The following GABRR2 variants were observed in gnomAD, a reference collection of about 807,000 sequenced individuals.
GABRR2 encodes the protein gamma-aminobutyric acid receptor subunit rho-2.
A neutral mutation model predicts 47.0 loss-of-function variants in GABRR2; 36 were observed. The observed-to-expected ratio is 0.77, with a 90% CI of 0.59 to 1.01. The LOEUF (loss-of-function observed/expected upper bound fraction) is 1.01. GABRR2 is among the 50% of genes least tolerant of loss of function. GABRR2 has a pLI of 0.00. For missense variants in GABRR2, 587 were observed against 594.6 expected (o/e 0.99, Z 0.13); for synonymous variants, 204 against 227.5 (o/e 0.90, Z 0.93).
At chr6:89,258,497 G>A (rs1582428735) in intron 8 of GABRR2, among the ~76,000 whole-genome samples, 1 of 147,130 alleles carries the variant, frequency 6.8e-6, no homozygotes, top group African/African-American at 2.5e-5. Context: ...CTTGAGGCCA[G>A]TATTTCAAGA....
chr6:89,303,290 A>G (rs1410971636), intron 1 of GABRR2, among the ~76,000 whole-genome samples: 1 of 152,170 alleles, frequency 6.6e-6, no homozygotes, highest in Admixed American at 6.5e-5. Flanking sequence ...CTCCCCACCT[A>G]GGCCACGTGT....
At chr6:89,303,650 A>G (rs1423722629) in intron 1 of GABRR2, among the ~76,000 whole-genome samples, 2 of 65,452 alleles carry the variant, frequency 3.1e-5, no homozygotes, top group African/African-American at 8.3e-5. Context: ...TAAGGAGGAA[A>G]AAAAAAAAAA....
chr6:89,283,882 G>C (rs114088424), intron 2 of GABRR2, among the ~76,000 whole-genome samples: 1 of 152,052 alleles, frequency 6.6e-6, no homozygotes, highest in Admixed American at 6.6e-5. Flanking sequence ...AAAAACTTTC[G>C]GAAAACAGTC....
At chr6:89,312,290 C>G (rs1767694102) in intron 1 of GABRR2, among the ~76,000 whole-genome samples, 1 of 152,206 alleles carries the variant, frequency 6.6e-6, no homozygotes, top group South Asian at 2.1e-4. Context: ...CAAGAGGAAA[C>G]AGACTCACTC....
rs1278350734 is a variant in GABRR2, at chr6:89,255,365, A to G, written c.*2305T>C. On this transcript the variant is annotated 3_prime_UTR_variant, in exon 9 of 9. Coordinates refer to ENST00000402938, the MANE Select transcript of GABRR2 (RefSeq NM_002043.5). Reference sequence around the variant, plus strand: ...GGCAGGAGAATTGCTTGAACCCGGGAGGCAGAGGTTGTGGTGAGCCAAGAT... The same window carrying G: ...GGCAGGAGAATTGCTTGAACCCGGGGGGCAGAGGTTGTGGTGAGCCAAGAT... Among the ~76,000 whole-genome samples, 1 of 152,188 alleles carries G rather than the reference A, an allele frequency of 6.6e-6. No individual in the cohort carries two copies. Among genetic ancestry groups the G allele is most frequent in the Non-Finnish European group, 1.5e-5 (1 of 68,034 alleles).
At chr6:89,267,304 G>A (rs957593109) in intron 6 of GABRR2, among the ~76,000 whole-genome samples, 5 of 152,114 alleles carry the variant, frequency 3.3e-5, no homozygotes, top group East Asian at 3.9e-4. Flanking sequence ...GATGGCTCAC[G>A]CCTGTAGTCC....
chr6:89,275,902 C>T (rs188200540), intron 2 of GABRR2, among the ~76,000 whole-genome samples: 2 of 152,222 alleles, frequency 1.3e-5, no homozygotes, highest in East Asian at 1.9e-4. Context: ...TCACCGAACA[C>T]GGATTAAAGC....
chr6:89,314,971 C>A, intron 1 of GABRR2, 82 bp downstream of exon 1: 3 of 1,234,420 alleles, frequency 2.4e-6, no homozygotes, highest in Non-Finnish European at 3.5e-6. Context: ...AGGACCTTAG[C>A]CCCCTGGGGA....
At chr6:89,292,846 G>A (rs1475145745) in intron 2 of GABRR2, among the ~76,000 whole-genome samples, 19 of 134,080 alleles carry the variant, frequency 1.4e-4, no homozygotes, top group Admixed American at 7.6e-5. Flanking sequence ...ACGATATATC[G>A]TATATATCAT....
intron 1 of GABRR2, among the ~76,000 whole-genome samples, chr6:89,308,362 G>A (rs1767609153): frequency 6.6e-6 from 1 of 152,046 alleles, no homozygotes; most frequent in South Asian, 2.1e-4. Context: ...TGACTGTTCG[G>A]TTTTTCCATT....
At chr6:89,308,940 G>C (rs1177909643) in intron 1 of GABRR2, among the ~76,000 whole-genome samples, 1 of 152,178 alleles carries the variant, frequency 6.6e-6, no homozygotes, top group Non-Finnish European at 1.5e-5. Flanking sequence ...GGAGGTGGAC[G>C]ATAAACCAGT....
intron 1 of GABRR2, chr6:89,302,838 C>G: frequency 7.3e-7 from 1 of 1,376,510 alleles, no homozygotes; most frequent in African/African-American, 1.4e-5. Context: ...CATCCCACCC[C>G]CCAGCCTCAA....
intron 1 of GABRR2, among the ~76,000 whole-genome samples, chr6:89,301,119 A>G (rs1047600940): frequency 6.6e-6 from 1 of 152,246 alleles, no homozygotes; most frequent in African/African-American, 2.4e-5. Flanking sequence ...TTCATCACAT[A>G]AAACTAAAGA....
intron 2 of GABRR2, among the ~76,000 whole-genome samples, chr6:89,295,046 G>A (rs936511859): frequency 6.6e-6 from 1 of 152,050 alleles, no homozygotes; most frequent in Non-Finnish European, 1.5e-5. Flanking sequence ...ATCATTGATG[G>A]ACATTTGGGT....
chr6:89,293,484 A>G (rs763076002), intron 2 of GABRR2, among the ~76,000 whole-genome samples: 5 of 152,194 alleles, frequency 3.3e-5, no homozygotes, highest in Non-Finnish European at 5.9e-5. Context: ...CAATTTTTAA[A>G]ATGAAATTTA....
At chr6:89,302,546 G>A (rs545917849) in intron 1 of GABRR2, 2 of 917,860 alleles carry the variant, frequency 2.2e-6, no homozygotes, top group Admixed American at 1.9e-5. Context: ...GTGAACATGG[G>A]TGCCCTTCCC....
intron 2 of GABRR2, among the ~76,000 whole-genome samples, chr6:89,279,967 T>C (rs1230643455): frequency 6.6e-6 from 1 of 151,970 alleles, no homozygotes; most frequent in Non-Finnish European, 1.5e-5. Flanking sequence ...CCCAGCACTT[T>C]GGGAGGCTGA....
intron 2 of GABRR2, among the ~76,000 whole-genome samples, chr6:89,287,443 G>T (rs1015140684): frequency 1.3e-5 from 2 of 152,238 alleles, no homozygotes; most frequent in African/African-American, 4.8e-5. Flanking sequence ...AGAGCCAGGA[G>T]CTGTGTCGAG....
At chr6:89,287,444 C>G (rs1243043184) in intron 2 of GABRR2, among the ~76,000 whole-genome samples, 1 of 152,228 alleles carries the variant, frequency 6.6e-6, no homozygotes, top group East Asian at 1.9e-4. Context: ...GAGCCAGGAG[C>G]TGTGTCGAGA....
Sources: gnomAD v4.1 joint callset for allele counts (sites outside exome capture counted in the v4.1 genomes callset) on GRCh38, gnomAD v4.1.1 for gene constraint, MANE v1.5 for transcripts, NCBI Gene and HGNC (gene_info 2026-07-23, HGNC 2026-07-21) for gene names.